The following PAFAH1B1 variants were observed in gnomAD, a reference collection of about 807,000 sequenced individuals.
The protein encoded by PAFAH1B1 is platelet activating factor acetylhydrolase 1b regulatory subunit 1.
PAFAH1B1 carries 2 observed loss-of-function variants against 57.5 expected under a neutral mutation model. That is an observed-to-expected ratio of 0.03 (90% CI 0.01 to 0.11). The LOEUF (loss-of-function observed/expected upper bound fraction) is 0.11, where lower values mean the gene tolerates loss of function less well. Among genes scored for constraint, PAFAH1B1 ranks in the 10% least tolerant of loss-of-function variants. The pLI, the probability that PAFAH1B1 is intolerant of heterozygous loss-of-function variation, is 1.00. For synonymous variants in PAFAH1B1, 152 were observed against 169.6 expected, an observed-to-expected ratio of 0.90 and a Z score of 0.81; for missense variants, 257 against 512.0, an observed-to-expected ratio of 0.50 and a Z score of 4.81.
intron 1 of PAFAH1B1, among the ~76,000 whole-genome samples, chr17:2,615,202 A>G (rs2068322813): frequency 6.6e-6 from 1 of 152,188 alleles, no homozygotes; most frequent in Admixed American, 6.5e-5. Context: ...ATATGAGAGT[A>G]TATGTGTAGG....
chr17:2,612,290 G>A (rs1478609271), intron 1 of PAFAH1B1, among the ~76,000 whole-genome samples: 1 of 148,702 alleles, frequency 6.7e-6, no homozygotes, highest in East Asian at 2.0e-4. Flanking sequence ...TGCAACCTCC[G>A]CCTCGTGGGT....
chr17:2,668,289 A>C (rs1266167385), intron 5 of PAFAH1B1, among the ~76,000 whole-genome samples: 2 of 149,484 alleles, frequency 1.3e-5, no homozygotes, highest in Non-Finnish European at 2.9e-5. Context: ...GCTCCACTGC[A>C]CTCCAGCCTG....
chr17:2,672,583 C>T (rs764977351), intron 6 of PAFAH1B1, 72 bp from the exon 7 acceptor site: 157 of 1,034,190 alleles, frequency 1.5e-4, no homozygotes, highest in Non-Finnish European at 2.2e-4. Flanking sequence ...TGGTAAAATC[C>T]CATGGTCAAT....
At chr17:2,637,161 T>C (rs570105898) in intron 1 of PAFAH1B1, among the ~76,000 whole-genome samples, 2 of 152,330 alleles carry the variant, frequency 1.3e-5, no homozygotes, top group Admixed American at 1.3e-4. Context: ...AGATTGGTTG[T>C]CCCACAGGAT....
chr17:2,610,491 C>G (rs1420514560), intron 1 of PAFAH1B1, among the ~76,000 whole-genome samples: 1 of 152,082 alleles, frequency 6.6e-6, no homozygotes, highest in Non-Finnish European at 1.5e-5. Context: ...CTAGATAGTT[C>G]AGAAAGATAA....
chr17:2,638,478 C>A, intron 2 of PAFAH1B1, 158 bp downstream of exon 2: 1 of 654,426 alleles, frequency 1.5e-6, no homozygotes, highest in Non-Finnish European at 2.7e-6. Context: ...TTAAAACAGT[C>A]TTATTATGAT....
rs75856273 is a variant in PAFAH1B1, at chr17:2,598,722, C to A, written c.-191+4716C>A. On this transcript the variant is annotated intron_variant, in intron 1 of 10. Transcript: ENST00000397195. Reference sequence around the variant, plus strand: ...AAGATGCTTAGCTGTAAATTGAATCCTCGTCATTGAAGGTCAAACATTTTG... The same window carrying A: ...AAGATGCTTAGCTGTAAATTGAATCATCGTCATTGAAGGTCAAACATTTTG... 3.0e-3 allele frequency among the ~76,000 whole-genome samples: 456 copies of A among 151,856 alleles called. 1 individual carries two copies. The highest frequency in any genetic ancestry group is 9.8e-3 in the African/African-American group (406 of 41,392).
intron 2 of PAFAH1B1, among the ~76,000 whole-genome samples, chr17:2,662,374 C>A (rs1273820784): frequency 8.8e-6 from 1 of 113,636 alleles, no homozygotes; most frequent in Non-Finnish European, 1.8e-5. Flanking sequence ...TTTTTTTAAC[C>A]TCTTTGTGTG....
intron 1 of PAFAH1B1, among the ~76,000 whole-genome samples, chr17:2,627,274 G>A (rs2068505706): frequency 2.0e-5 from 3 of 152,206 alleles, no homozygotes; most frequent in Admixed American, 2.0e-4. Flanking sequence ...TGTATAAGGT[G>A]AGAGATGAGG....
intron 10 of PAFAH1B1, chr17:2,681,217 CAT>C (rs2069379531): frequency 6.5e-6 from 1 of 153,060 alleles, no homozygotes; most frequent in South Asian, 2.0e-4. Flanking sequence ...GCCTGGGCAA[CAT>C]AGTGAGACCC....
intron 1 of PAFAH1B1, among the ~76,000 whole-genome samples, chr17:2,628,946 A>C (rs186772479): frequency 2.2e-4 from 34 of 152,022 alleles, no homozygotes; most frequent in Non-Finnish European, 3.7e-4. Flanking sequence ...CTCCTGTTTC[A>C]TTTCTTAGTG....
Position 2,593,910 on chromosome 17 carries a change from C to G in PAFAH1B1, c.-287C>G. 1 of 356,448 alleles carries G rather than the reference C, an allele frequency of 2.8e-6. No homozygotes were observed. The highest frequency in any genetic ancestry group is 5.0e-6 in the Non-Finnish European group (1 of 200,146). 22.1% of individuals were successfully genotyped at this position (356,448 alleles called of 1,614,324 possible). ...CATCCTCCCCCCTCCTTCCCTCCCT[C>G]CCTCCTTCCTCCCTCCCCTCTCCCT... On this transcript the variant is annotated 5_prime_UTR_variant, in exon 1 of 11. Coordinates refer to ENST00000397195, the MANE Select transcript of PAFAH1B1 (RefSeq NM_000430.4).
intron 1 of PAFAH1B1, among the ~76,000 whole-genome samples, chr17:2,630,360 A>C (rs1287032701): frequency 1.3e-5 from 2 of 152,130 alleles, no homozygotes; most frequent in Non-Finnish European, 2.9e-5. Context: ...GCTTTCCTTC[A>C]TACACGATGC....
rs186753561 is a variant in PAFAH1B1, at chr17:2,611,600, A to G, written c.-191+17594A>G. On this transcript the variant is annotated intron_variant, in intron 1 of 10. Coordinates refer to ENST00000397195, the MANE Select transcript of PAFAH1B1 (RefSeq NM_000430.4). ...GGACTCATGCTGGTTTTCAGCATAG[A>G]TTAAATGTAAGGAGAGGTTTGGTTT... Among the ~76,000 whole-genome samples, 13 of 152,288 alleles carry G rather than the reference A, an allele frequency of 8.5e-5. No homozygotes were observed. In the East Asian group the frequency reaches 2.1e-3, roughly 25 times the overall value.
chr17:2,632,236 G>T (rs766143849), intron 1 of PAFAH1B1, among the ~76,000 whole-genome samples: 6 of 152,114 alleles, frequency 3.9e-5, no homozygotes, highest in Admixed American at 6.6e-5. Context: ...GCCTCATTGT[G>T]TATTTCTGAA....
At position 2,625,858 on chromosome 17, in the gene PAFAH1B1, A is replaced by C. The variant is rs562976323; in HGVS notation, c.-190-12241A>C. Among the ~76,000 whole-genome samples the C allele has an allele frequency of 2.0e-5, 3 of 152,196 alleles. No homozygotes were observed. The East Asian group carries it at 5.8e-4, about 29-fold the overall frequency. ...GAGGCTAAGGTAGGAGGATCTCTTG[A>C]GCCTAGGAGTTAGAGGCTGCAGTGA... On this transcript the variant is annotated intron_variant, in intron 1 of 10. Transcript: ENST00000397195.
upstream of PAFAH1B1, among the ~76,000 whole-genome samples, chr17:2,593,503 C>A (rs1197812134): frequency 6.6e-6 from 1 of 151,370 alleles, no homozygotes; most frequent in Admixed American, 6.6e-5. Context: ...GAAGGCAGCG[C>A]GGCCCCGGCC....
chr17:2,609,301 C>T (rs1337067604), intron 1 of PAFAH1B1, among the ~76,000 whole-genome samples: 2 of 152,150 alleles, frequency 1.3e-5, no homozygotes, highest in African/African-American at 2.4e-5. Flanking sequence ...TGAGCCACCG[C>T]GCCCGGCTCC....
intron 1 of PAFAH1B1, among the ~76,000 whole-genome samples, chr17:2,597,772 GAGAC>G (rs2068100270): frequency 7.1e-6 from 1 of 140,156 alleles, no homozygotes; most frequent in African/African-American, 2.6e-5. Context: ...AAGTAACAGA[GAGAC>G]AGAAAGTGTG....
Sources: gnomAD v4.1 joint callset for allele counts (sites outside exome capture counted in the v4.1 genomes callset) on GRCh38, gnomAD v4.1.1 for gene constraint, MANE v1.5 for transcripts, NCBI Gene and HGNC (gene_info 2026-07-23, HGNC 2026-07-21) for gene names.